TYW5: variants seen among roughly 807,000 people sequenced by gnomAD.
TYW5 encodes the protein tRNA wybutosine-synthesizing protein 5.
A neutral mutation model predicts 44.4 loss-of-function variants in TYW5; 36 were observed. The ratio of observed to expected loss-of-function variants is 0.81; its 90% CI spans 0.62 to 1.07. TYW5 has a LOEUF of 1.07. Ranked by LOEUF, TYW5 falls within the 50% of genes least tolerant of loss-of-function variation. The pLI is 0.00. For missense variants in TYW5, 354 were observed against 365.7 expected (o/e 0.97, Z 0.26); for synonymous variants, 121 against 128.1 (o/e 0.94, Z 0.37).
chr2:199,936,284 T>C (rs1256108430), intron 6 of TYW5, 121 bp downstream of exon 6: 2 of 843,404 alleles, frequency 2.4e-6, no homozygotes, highest in African/African-American at 1.7e-5. Context: ...TTATTACATA[T>C]ATACACAAAT....
At chr2:199,955,237 C>A in intron 1 of TYW5, 156 bp downstream of exon 1, 1 of 766,416 alleles carries the variant, frequency 1.3e-6, no homozygotes, top group South Asian at 2.0e-5. Flanking sequence ...CCCCCGTGCA[C>A]CTTTCCCTTG....
intron 4 of TYW5, 65 bp from the exon 5 acceptor site, chr2:199,939,135 G>C (rs2077444224): frequency 6.9e-7 from 1 of 1,452,786 alleles, no homozygotes; most frequent in Non-Finnish European, 9.2e-7. Flanking sequence ...GGAAGACTGG[G>C]GCAAAACTTT....
At chr2:199,951,315 G>C (rs1236302169) in intron 1 of TYW5, among the ~76,000 whole-genome samples, 1 of 152,056 alleles carries the variant, frequency 6.6e-6, no homozygotes, top group Non-Finnish European at 1.5e-5. Context: ...TCAGTTTTTT[G>C]TGTCTTAGAT....
intron 2 of TYW5, 120 bp downstream of exon 2, chr2:199,948,198 A>T: frequency 1.0e-6 from 1 of 977,904 alleles, no homozygotes; most frequent in South Asian, 1.6e-5. Context: ...CTATTCCATG[A>T]TTACATCAAA....
chr2:199,952,931 C>T (rs573616654), intron 1 of TYW5, among the ~76,000 whole-genome samples: 1 of 152,300 alleles, frequency 6.6e-6, no homozygotes, highest in Admixed American at 6.5e-5. Flanking sequence ...TGTATAATAC[C>T]ATAATGGTGG....
At chr2:199,951,983 C>T (rs2077548886) in intron 1 of TYW5, among the ~76,000 whole-genome samples, 1 of 151,374 alleles carries the variant, frequency 6.6e-6, no homozygotes, top group Non-Finnish European at 1.5e-5. Context: ...TGCCACTGCA[C>T]TCCAGCCTGG....
In TYW5 at chr2:199,933,142, C is replaced by T. The variant is rs1231254994; in HGVS notation, c.873G>A (p.Glu291=). 1.9e-6 allele frequency: 3 copies of T among 1,614,098 alleles called. No homozygotes were observed. Among genetic ancestry groups the T allele is most frequent in the Admixed American group, 1.7e-5 (1 of 60,006 alleles). ...RALKTLAELP[E]EYRDFYARRM... The stretch of plus-strand genomic sequence containing the variant: ...GTCGTGCATAGAAGTCCCTATATTC[C>T]TCTGGTAACTCGGCCAGTGTTTTCA... The change falls in exon 8 of 8, where the codon GAG becomes GAA. Residue 291 remains glutamate (E), a synonymous_variant. Transcript: ENST00000354611.
chr2:199,941,737 CAAGA>C (rs1345255866), intron 3 of TYW5, among the ~76,000 whole-genome samples: 4 of 152,194 alleles, frequency 2.6e-5, no homozygotes, highest in Non-Finnish European at 5.9e-5. Context: ...GAAATTCCTT[CAAGA>C]AAGAACTCAC....
At chr2:199,940,045 T>C (rs758214575) in intron 4 of TYW5, 44 bp downstream of exon 4, 1 of 1,565,796 alleles carries the variant, frequency 6.4e-7, no homozygotes, top group Non-Finnish European at 8.8e-7. Context: ...CATACATACA[T>C]CCATTTAGAT....
chr2:199,952,121 C>T (rs1217054224), intron 1 of TYW5, among the ~76,000 whole-genome samples: 1 of 152,160 alleles, frequency 6.6e-6, no homozygotes, highest in African/African-American at 2.4e-5. Flanking sequence ...TGTAAATGGG[C>T]CATAATTTAT....
rs1178924386 is a variant in TYW5, at chr2:199,932,067, C to A, written c.*1000G>T. On this transcript the variant is annotated 3_prime_UTR_variant, in exon 8 of 8. Transcript: ENST00000354611. Reference sequence around the variant, plus strand: ...ATTCAAAAACCAAAAACCACCCTGACATACTGGGTGGCAAGAAAAGTCAAG... The same window carrying A: ...ATTCAAAAACCAAAAACCACCCTGAAATACTGGGTGGCAAGAAAAGTCAAG... The A allele has an allele frequency of 9.9e-5, 15 of 152,146 alleles. No individual in the cohort carries two copies. Among genetic ancestry groups the A allele is most frequent in the Non-Finnish European group, 1.6e-4 (11 of 68,018 alleles). 9.4% of individuals were successfully genotyped at this position (152,146 alleles called of 1,614,324 possible).
chr2:199,955,300 C>G, intron 1 of TYW5, 93 bp downstream of exon 1: 1 of 1,435,068 alleles, frequency 7.0e-7, no homozygotes, highest in Non-Finnish European at 9.5e-7. Flanking sequence ...TTCCCACACC[C>G]TGGGTCTCTA....
At chr2:199,938,379 T>C (rs1235437614) in intron 5 of TYW5, among the ~76,000 whole-genome samples, 2 of 152,154 alleles carry the variant, frequency 1.3e-5, no homozygotes, top group Non-Finnish European at 2.9e-5. Flanking sequence ...AGATCAATAT[T>C]GTACACATTT....
chr2:199,952,955 T>C (rs772328202), intron 1 of TYW5, among the ~76,000 whole-genome samples: 1 of 152,230 alleles, frequency 6.6e-6, no homozygotes, highest in Non-Finnish European at 1.5e-5. Context: ...CATTTCATTA[T>C]AAATTTGCCC....
chr2:199,938,926 A>G lies in TYW5; in HGVS notation c.486+7T>C. 1 of 1,591,536 alleles carries G rather than the reference A, an allele frequency of 6.3e-7. No homozygotes were observed. The highest frequency in any genetic ancestry group is 8.5e-7 in the Non-Finnish European group (1 of 1,173,326). On this transcript the variant is annotated splice_region_variant and intron_variant, in intron 5 of 7. Coordinates refer to ENST00000354611, the MANE Select transcript of TYW5 (RefSeq NM_001039693.3). ...GTAGCTTTAAATTTCTCATTTATGT[A>G]GCATACATCATAATGAGTCCATAGT... is the stretch of plus-strand genomic sequence containing the variant.
At chr2:199,946,435 G>A (rs180919962) in intron 2 of TYW5, 1 of 152,294 alleles carries the variant, frequency 6.6e-6, no homozygotes, top group African/African-American at 2.4e-5. Context: ...AGGAATTACA[G>A]GATGTGACAG....
At chr2:199,953,092 T>A (rs993020742) in intron 1 of TYW5, among the ~76,000 whole-genome samples, 1 of 152,120 alleles carries the variant, frequency 6.6e-6, no homozygotes, top group African/African-American at 2.4e-5. Context: ...GAAGCTGAGA[T>A]GGGCGGATCA....
chr2:199,933,442 G>T, intron 7 of TYW5, 119 bp from the exon 8 acceptor site: 2 of 864,892 alleles, frequency 2.3e-6, no homozygotes, highest in Non-Finnish European at 3.5e-6. Flanking sequence ...CTTGTAACCA[G>T]ATCCCTTCGT....
Position 199,929,173 on chromosome 2 carries a change from A to ATTC in TYW5, c.*3893_*3894insGAA, listed in dbSNP as rs2077352042. 7.0e-6 allele frequency among the ~76,000 whole-genome samples: 1 copy of ATTC among 143,048 alleles called. No individual in the cohort carries two copies. The highest frequency in any genetic ancestry group is 1.5e-5 in the Non-Finnish European group (1 of 64,980). 93.8% of individuals were successfully genotyped at this position (143,048 alleles called of 152,430 possible). On this transcript the variant is annotated 3_prime_UTR_variant, in exon 8 of 8. Coordinates refer to ENST00000354611, the MANE Select transcript of TYW5 (RefSeq NM_001039693.3). The stretch of plus-strand genomic sequence containing the variant: ...AGTATTCTGTTTAATGGAACTTAGA[A>ATTC]AGAGACTACATCGTGGGGTTGGGGG...
Sources: allele counts gnomAD v4.1 joint callset (sites outside exome capture counted in the v4.1 genomes callset), GRCh38; gene constraint gnomAD v4.1.1; transcripts MANE v1.5; gene names NCBI Gene and HGNC (gene_info 2026-07-23, HGNC 2026-07-21).